The following ABCC9 variants were observed in gnomAD, a reference collection of about 807,000 sequenced individuals.
The protein encoded by ABCC9 is ATP-binding cassette sub-family C member 9.
Under a neutral mutation model 188.3 loss-of-function variants are expected in ABCC9, and 95 were observed. The ratio of observed to expected loss-of-function variants is 0.50; its 90% CI spans 0.43 to 0.60. The LOEUF (loss-of-function observed/expected upper bound fraction) is 0.60, where lower values mean the gene tolerates loss of function less well. Ranked by LOEUF, ABCC9 falls within the 20% of genes least tolerant of loss-of-function variation. ABCC9 has a pLI of 0.00. For missense variants in ABCC9, 1,102 were observed against 1,876.3 expected (o/e 0.59, Z 7.62); for synonymous variants, 659 against 652.7 (o/e 1.01, Z -0.15).
Position 21,800,992 on chromosome 12 carries a change from T to G in ABCC9, c.*52A>C, listed in dbSNP as rs1164953622. On this transcript the variant is annotated 3_prime_UTR_variant, in exon 40 of 40. Coordinates refer to ENST00000261200, the MANE Select transcript of ABCC9 (RefSeq NM_020297.4). The stretch of plus-strand genomic sequence containing the variant: ...AGAGGTCAAGCTGATGATCCATTAA[T>G]TAGGTTATGACTGCATTATTTTAAA... 47 of 1,607,440 alleles carry G rather than the reference T, an allele frequency of 2.9e-5. No individual in the cohort carries two copies. Among genetic ancestry groups the G allele is most frequent in the Non-Finnish European group, 4.0e-5 (47 of 1,176,170 alleles).
intron 25 of ABCC9, among the ~76,000 whole-genome samples, chr12:21,846,293 A>T (rs1944667654): frequency 6.6e-6 from 1 of 152,226 alleles, no homozygotes; most frequent in Admixed American, 6.5e-5. Flanking sequence ...GGAAACTTCC[A>T]GTGGGCAAAG....
intron 12 of ABCC9, among the ~76,000 whole-genome samples, chr12:21,897,281 A>G (rs190768836): frequency 3.3e-5 from 5 of 152,208 alleles, no homozygotes; most frequent in Admixed American, 3.3e-4. Flanking sequence ...TTCCTCATAA[A>G]TTTGTTTAAG....
At chr12:21,828,136 T>G (rs985221275) in intron 31 of ABCC9, among the ~76,000 whole-genome samples, 2 of 152,220 alleles carry the variant, frequency 1.3e-5, no homozygotes, top group Non-Finnish European at 2.9e-5. Context: ...TTTAAAAAAT[T>G]ACACTCAACT....
At chr12:21,890,550 C>T (rs1407748948) in intron 14 of ABCC9, among the ~76,000 whole-genome samples, 1 of 152,094 alleles carries the variant, frequency 6.6e-6, no homozygotes, top group Non-Finnish European at 1.5e-5. Context: ...GTCACTACCT[C>T]CTTTAAATCT....
intron 7 of ABCC9, among the ~76,000 whole-genome samples, chr12:21,913,403 T>C (rs1274310940): frequency 1.3e-5 from 2 of 152,166 alleles, no homozygotes; most frequent in African/African-American, 2.4e-5. Flanking sequence ...TGGGAAAATA[T>C]ATATTTGTCA....
chr12:21,858,604 C>G (rs981102309), intron 22 of ABCC9, among the ~76,000 whole-genome samples: 7 of 151,306 alleles, frequency 4.6e-5, no homozygotes, highest in Admixed American at 2.0e-4. Context: ...TCTACAATTA[C>G]ATAGGCTACT....
intron 31 of ABCC9, among the ~76,000 whole-genome samples, chr12:21,827,900 G>T (rs1943481557): frequency 6.6e-6 from 1 of 152,182 alleles, no homozygotes; most frequent in Non-Finnish European, 1.5e-5. Flanking sequence ...AGCTCACAAG[G>T]ATGTCCAAGA....
intron 33 of ABCC9, among the ~76,000 whole-genome samples, chr12:21,816,270 C>T (rs991330363): frequency 1.3e-5 from 2 of 151,844 alleles, no homozygotes; most frequent in African/African-American, 2.4e-5. Flanking sequence ...TCATTAAACA[C>T]TTAGGTGCTT....
chr12:21,818,052 C>A, intron 32 of ABCC9, 98 bp downstream of exon 32: 1 of 765,674 alleles, frequency 1.3e-6, no homozygotes, highest in South Asian at 1.3e-5. Flanking sequence ...TAATTCCCCT[C>A]TCTGTGCTCA....
At chr12:21,888,158 A>G (rs570851783) in intron 14 of ABCC9, among the ~76,000 whole-genome samples, 3 of 152,254 alleles carry the variant, frequency 2.0e-5, no homozygotes, top group Admixed American at 2.0e-4. Context: ...AAAACCAGAA[A>G]AATGTCAGAA....
Position 21,798,100 on chromosome 12 carries a change from C to T in ABCC9, c.*2944G>A, listed in dbSNP as rs1340596029. 6.6e-6 allele frequency: 1 copy of T among 152,138 alleles called. No individual in the cohort carries two copies. The highest frequency in any genetic ancestry group is 2.4e-5 in the African/African-American group (1 of 41,432). 9.4% of individuals were successfully genotyped at this position (152,138 alleles called of 1,614,324 possible). A position where few individuals can be genotyped will look rare whatever the true frequency, so the allele number is the denominator to read the frequency against. On this transcript the variant is annotated 3_prime_UTR_variant, in exon 40 of 40. Coordinates refer to ENST00000261200, the MANE Select transcript of ABCC9 (RefSeq NM_020297.4). ...TGTAAACAATTAGACATTTACTCAA[C>T]TTAAGTAACTAAAAGTTATGAGGGG...
chr12:21,809,832 A>G lies in ABCC9; in HGVS notation c.4315+20T>C, dbSNP rs778264443. The G allele has an allele frequency of 1.5e-5, 22 of 1,428,046 alleles. 1 individual carries two copies. The highest frequency in any genetic ancestry group is 3.4e-5 in the South Asian group (3 of 87,036). 88.5% of individuals were successfully genotyped at this position (1,428,046 alleles called of 1,614,324 possible). A position where few individuals can be genotyped will look rare whatever the true frequency, so the allele number is the denominator to read the frequency against. ...TTAATGGCATATATAAAAAATAAAT[A>G]TGCTATTTAGGAAATATACCTAGAC... On this transcript the variant is annotated intron_variant, in intron 37 of 39. Transcript: ENST00000261200.
intron 15 of ABCC9, among the ~76,000 whole-genome samples, chr12:21,884,333 G>A (rs77026371): frequency 0.05 from 7,680 of 152,150 alleles, 675 homozygotes; most frequent in African/African-American, 0.18. Context: ...TCAGCTTCCC[G>A]AAGTGCTGGG....
chr12:21,839,712 C>T (rs910470039), intron 29 of ABCC9, among the ~76,000 whole-genome samples: 1 of 152,172 alleles, frequency 6.6e-6, no homozygotes, highest in African/African-American at 2.4e-5. Context: ...TGTTGGCATT[C>T]ACCTGTGAGG....
intron 19 of ABCC9, 58 bp downstream of exon 19, chr12:21,864,381 T>C: frequency 8.2e-7 from 1 of 1,223,266 alleles, no homozygotes; most frequent in Non-Finnish European, 1.2e-6. Context: ...ATTAAAGAGA[T>C]TAAAGTCTGA....
intron 14 of ABCC9, among the ~76,000 whole-genome samples, chr12:21,892,589 G>T (rs1290600247): frequency 2.0e-5 from 3 of 152,200 alleles, no homozygotes; most frequent in Non-Finnish European, 4.4e-5. Context: ...ATAAGAAAAT[G>T]AGGGCAGATG....
Position 21,818,524 on chromosome 12 carries a change from ATATGTGTG to A in ABCC9, c.3670-281_3670-274del, listed in dbSNP as rs1252824729. Among the ~76,000 whole-genome samples, 614 of 125,026 alleles carry A rather than the reference ATATGTGTG, an allele frequency of 4.9e-3. No individual in the cohort carries two copies. Among genetic ancestry groups the A allele is most frequent in the African/African-American group, 0.018 (576 of 31,934 alleles). The allele number at this position is 125,026 out of a possible 152,430, so 82.0% of individuals were successfully genotyped here. ...TATATATAACTATATAGATATATATATATGTGTGTGTGTGTGTGTGTGTGTGTGTGTGT... is the reference window on the plus strand; with the variant it reads ...TATATATAACTATATAGATATATATATGTGTGTGTGTGTGTGTGTGTGTGT... On this transcript the variant is annotated intron_variant, in intron 31 of 39. Transcript: ENST00000261200.
chr12:21,935,072 C>A (rs553517995), intron 3 of ABCC9, among the ~76,000 whole-genome samples: 4 of 152,092 alleles, frequency 2.6e-5, no homozygotes, highest in African/African-American at 9.6e-5. Context: ...TTTTCTATTT[C>A]CCTTTAACAA....
chr12:21,810,252 T>G (rs1006917897), intron 36 of ABCC9, among the ~76,000 whole-genome samples: 2 of 152,192 alleles, frequency 1.3e-5, no homozygotes, highest in African/African-American at 4.8e-5. Context: ...CTATGCTTAG[T>G]ATAACCCAAA....
Sources: allele counts gnomAD v4.1 joint callset (sites outside exome capture counted in the v4.1 genomes callset), GRCh38; gene constraint gnomAD v4.1.1; transcripts MANE v1.5; gene names NCBI Gene and HGNC (gene_info 2026-07-23, HGNC 2026-07-21).